The following KIAA1755 variants were observed in gnomAD, a reference collection of about 807,000 sequenced individuals.
KIAA1755 encodes KIAA1755, also known as uncharacterized protein KIAA1755.
KIAA1755 carries 68 observed loss-of-function variants against 91.7 expected under a neutral mutation model. That is an observed-to-expected ratio of 0.74 (90% CI 0.61 to 0.91). The LOEUF (loss-of-function observed/expected upper bound fraction) is 0.91. KIAA1755 is among the 40% of genes least tolerant of loss of function. The probability of loss-of-function intolerance (pLI) is 0.00; values close to 1 mark genes in which losing one functional copy is unlikely to be tolerated. For synonymous variants in KIAA1755, 610 were observed against 604.6 expected, an observed-to-expected ratio of 1.01 and a Z score of -0.13; for missense variants, 1,535 against 1,494.4, an observed-to-expected ratio of 1.03 and a Z score of -0.45.
Position 38,246,145 on chromosome 20 carries a change from G to A in KIAA1755, c.4-19C>T. 1.2e-6 allele frequency: 2 copies of A among 1,602,790 alleles called. No individual in the cohort carries two copies. The highest frequency in any genetic ancestry group is 1.7e-6 in the Non-Finnish European group (2 of 1,173,422). On this transcript the variant is annotated intron_variant, in intron 1 of 13. Transcript: ENST00000279024. The stretch of plus-strand genomic sequence containing the variant: ...GAGGGTCCTGTGGGGGACAGGAGGA[G>A]GGGGTGATAATAGCAATGATAATAA...
Position 38,241,366 on chromosome 20 carries a change from C to A in KIAA1755, c.765G>T (p.Arg255=), listed in dbSNP as rs1600632115. 6.2e-7 allele frequency: 1 copy of A among 1,614,196 alleles called. No individual in the cohort carries two copies. The highest frequency in any genetic ancestry group is 1.6e-4 in the Middle Eastern group (1 of 6,062). Residue 255 remains arginine (R), a synonymous_variant, in exon 3 of 14, where the codon CGG becomes CGT. Transcript: ENST00000279024. ...YPGLIKVEQA[R]CGEVAFRMDE... ...CCATCCTGAAAGCCACCTCCCCACA[C>A]CGGGCTTGCTCCACCTTGATGAGTC...
chr20:38,250,360 C>G lies in KIAA1755; in HGVS notation c.4-4234G>C, dbSNP rs566582139. 2.0e-5 allele frequency among the ~76,000 whole-genome samples: 3 copies of G among 152,136 alleles called. No individual in the cohort carries two copies. In the East Asian group the frequency reaches 5.8e-4, roughly 29 times the overall value. On this transcript the variant is annotated intron_variant, in intron 1 of 13. Coordinates refer to ENST00000279024, the MANE Select transcript of KIAA1755 (RefSeq NM_001029864.2). ...ATTACACCCACCTTAAGGAGTTGAT[C>G]AAGATTGGGTGTATTGAGGTAATAC...
At chr20:38,235,042 C>A (rs1481000178) in intron 4 of KIAA1755, among the ~76,000 whole-genome samples, 4 of 152,118 alleles carry the variant, frequency 2.6e-5, no homozygotes, top group African/African-American at 9.7e-5. Flanking sequence ...CATCTGCCAG[C>A]AGCATGAAGA....
At position 38,213,372 on chromosome 20, in the gene KIAA1755, A is replaced by T; in HGVS notation, c.3273T>A (p.Asp1091Glu). The change falls in exon 14 of 14, where the codon GAT becomes GAA. Residue 1091 changes from aspartate (D) to glutamate (E), a missense_variant. Transcript: ENST00000279024. ...SVEVTSKGRW[D>E]QPPLDSLGMD... ...TGCCCAGTGAGTCTAGTGGAGGCTG[A>T]TCCCACCTCCCCTTGGAAGTGACCT... is the stretch of plus-strand genomic sequence containing the variant. The T allele has an allele frequency of 1.2e-6, 2 of 1,605,706 alleles. No homozygotes were observed. The highest frequency in any genetic ancestry group is 1.1e-5 in the South Asian group (1 of 89,758).
chr20:38,211,304 T>C lies in KIAA1755; in HGVS notation c.*1738A>G, dbSNP rs1404624644. ...TGCCTCTCTCCCCTTCACAGCCTCA[T>C]TGTGGGGGACCTGTGCCCCACAGCC... On this transcript the variant is annotated 3_prime_UTR_variant, in exon 14 of 14. Coordinates refer to ENST00000279024, the MANE Select transcript of KIAA1755 (RefSeq NM_001029864.2). 2.0e-5 allele frequency: 3 copies of C among 152,378 alleles called. No individual in the cohort carries two copies. Among genetic ancestry groups the C allele is most frequent in the Non-Finnish European group, 4.4e-5 (3 of 68,178 alleles). 9.4% of individuals were successfully genotyped at this position (152,378 alleles called of 1,614,324 possible). A position where few individuals can be genotyped will look rare whatever the true frequency, so the allele number is the denominator to read the frequency against.
At chr20:38,218,716 G>A (rs1261971246) in intron 11 of KIAA1755, among the ~76,000 whole-genome samples, 1 of 152,202 alleles carries the variant, frequency 6.6e-6, no homozygotes, top group African/African-American at 2.4e-5. Context: ...GGGGTGATGA[G>A]CTCCCTGTTC....
chr20:38,213,615 A>G lies in KIAA1755; in HGVS notation c.3030T>C (p.Pro1010=), dbSNP rs1294142274. The G allele has an allele frequency of 1.2e-6, 2 of 1,611,174 alleles. No homozygotes were observed. The highest frequency in any genetic ancestry group is 1.7e-6 in the Non-Finnish European group (2 of 1,178,782). The change falls in exon 14 of 14, where the codon CCT becomes CCC. Residue 1010 remains proline, a synonymous_variant. Coordinates refer to ENST00000279024, the MANE Select transcript of KIAA1755 (RefSeq NM_001029864.2). ...RYLQRLASEF[P]AEKLAAVGLQ... Reference sequence around the variant, plus strand: ...GCCCCACGGCTGCGAGCTTCTCAGCAGGGAACTCAGATGCCAGTCGCTGCA... The same window carrying G: ...GCCCCACGGCTGCGAGCTTCTCAGCGGGGAACTCAGATGCCAGTCGCTGCA...
intron 4 of KIAA1755, chr20:38,236,714 T>C (rs1205452): frequency 0.36 from 54,475 of 152,098 alleles, 9,883 homozygotes; most frequent in Middle Eastern, 0.52. Context: ...ATGACGACCT[T>C]GACAAGACGT....
In KIAA1755 at chr20:38,235,208, T is replaced by C. The variant is rs114099020; in HGVS notation, c.1748-3883A>G. 3.8e-3 allele frequency among the ~76,000 whole-genome samples: 583 copies of C among 152,330 alleles called. 8 individuals are homozygous for C. The highest frequency in any genetic ancestry group is 0.013 in the African/African-American group (557 of 41,568). The stretch of plus-strand genomic sequence containing the variant: ...AGGCAAAAAGGATTTCAAAGATCTA[T>C]ATGGAGCAACTGAGAGCTCAGGGTG... On this transcript the variant is annotated intron_variant, in intron 4 of 13. Transcript: ENST00000279024.
In KIAA1755 at chr20:38,223,606, G is replaced by T; in HGVS notation, c.2200C>A (p.Gln734Lys). 6.2e-7 allele frequency: 1 copy of T among 1,605,578 alleles called. No homozygotes were observed. The highest frequency in any genetic ancestry group is 8.5e-7 in the Non-Finnish European group (1 of 1,176,452). The change falls in exon 9 of 14, where the codon CAG (glutamine) becomes AAG (lysine). Residue 734 changes from glutamine to lysine, a missense_variant. Physicochemically the swap from Gln to Lys is moderately conservative, Grantham distance 53 (BLOSUM62 1). Coordinates refer to ENST00000279024, the MANE Select transcript of KIAA1755 (RefSeq NM_001029864.2). Reference sequence around the variant, plus strand: ...GAAGCTTGTAGCAGGGAAGAGGCCTGGTGGAGGTCAGCAAGGAAAGGGTCC... The same window carrying T: ...GAAGCTTGTAGCAGGGAAGAGGCCTTGTGGAGGTCAGCAAGGAAAGGGTCC... ...KLDPFLADLHQASSLLQASIE... is the reference protein window; with the variant it reads ...KLDPFLADLHKASSLLQASIE...
At position 38,244,920 on chromosome 20, in the gene KIAA1755, G is replaced by T. The variant is rs183406629; in HGVS notation, c.201+1009C>A. On this transcript the variant is annotated intron_variant, in intron 2 of 13. Transcript: ENST00000279024. ...TTTTTGTATTTTTAGTAGAGACGGG[G>T]TTTCACCATGTTGGCCAGGCTGGTC... Among the ~76,000 whole-genome samples the T allele has an allele frequency of 2.7e-4, 41 of 152,198 alleles. No homozygotes were observed. In the East Asian group the frequency reaches 7.1e-3, roughly 26 times the overall value.
At chr20:38,239,420 C>G in intron 4 of KIAA1755, 108 bp downstream of exon 4, 1 of 967,816 alleles carries the variant, frequency 1.0e-6, no homozygotes, top group Non-Finnish European at 1.6e-6. Flanking sequence ...TGGTCTAGAA[C>G]CTAGGCCTCC....
At chr20:38,232,728 A>C (rs1267291548) in intron 4 of KIAA1755, among the ~76,000 whole-genome samples, 1 of 152,022 alleles carries the variant, frequency 6.6e-6, no homozygotes, top group Non-Finnish European at 1.5e-5. Flanking sequence ...CCTACTATTC[A>C]CTTACAAATT....
At chr20:38,228,326 G>T in intron 5 of KIAA1755, 86 bp from the exon 6 acceptor site, 2 of 1,000,368 alleles carry the variant, frequency 2.0e-6, no homozygotes, top group Non-Finnish European at 2.8e-6. Context: ...GAACCTGGCT[G>T]CTAGAAACCT....
intron 4 of KIAA1755, among the ~76,000 whole-genome samples, chr20:38,235,921 C>T (rs955210202): frequency 3.3e-5 from 5 of 152,304 alleles, no homozygotes; most frequent in Admixed American, 6.5e-5. Flanking sequence ...CTTCACAGGG[C>T]TGGCTTGGAG....
intron 1 of KIAA1755, among the ~76,000 whole-genome samples, chr20:38,259,530 TGA>T (rs35609888): frequency 0.08 from 8,320 of 103,734 alleles, 324 homozygotes; most frequent in African/African-American, 0.16. Context: ...TGTGTGTGTG[TGA>T]GAGAGAGAGA....
At chr20:38,223,456 A>T (rs2075697176) in intron 9 of KIAA1755, 82 bp downstream of exon 9, 2 of 910,268 alleles carry the variant, frequency 2.2e-6, no homozygotes. Context: ...CCTTTTCCCC[A>T]GGCCGTCCCC....
chr20:38,225,776 C>G lies in KIAA1755; in HGVS notation c.2058G>C (p.Glu686Asp), dbSNP rs774149744. 1.3e-6 allele frequency: 2 copies of G among 1,545,632 alleles called. No homozygotes were observed. The highest frequency in any genetic ancestry group is 2.5e-5 in the South Asian group (2 of 80,620). ...QLQTLPDVQV[E>D]VLTSLKALSH... ...TGAGGGCCTTCAATGAGGTCAGCAC[C>G]TCCACCTGCAGACCAAAGAATCAGG... The change falls in exon 8 of 14, where the codon GAG becomes GAC. Residue 686 changes from glutamate to aspartate, a missense_variant. Transcript: ENST00000279024.
intron 4 of KIAA1755, among the ~76,000 whole-genome samples, chr20:38,239,211 A>G (rs1600624931): frequency 6.6e-6 from 1 of 152,276 alleles, no homozygotes; most frequent in East Asian, 1.9e-4. Flanking sequence ...GCCCTCCTCC[A>G]ATAGGTCACT....
Sources: gnomAD v4.1 joint callset for allele counts (sites outside exome capture counted in the v4.1 genomes callset) on GRCh38, gnomAD v4.1.1 for gene constraint, MANE v1.5 for transcripts, NCBI Gene and HGNC (gene_info 2026-07-23, HGNC 2026-07-21) for gene names.